DOK5: variants seen among roughly 807,000 people sequenced by gnomAD.
The protein encoded by DOK5 is downstream of tyrosine kinase 5.
In DOK5, 27 loss-of-function variants were observed where a neutral mutation model predicts 43.3. The ratio of observed to expected loss-of-function variants is 0.62; its 90% CI spans 0.46 to 0.86. DOK5 has a LOEUF of 0.86. Ranked by LOEUF, DOK5 falls within the 40% of genes least tolerant of loss-of-function variation. The pLI, the probability that DOK5 is intolerant of heterozygous loss-of-function variation, is 0.00. For missense variants in DOK5, 373 were observed against 392.9 expected, an observed-to-expected ratio of 0.95 and a Z score of 0.43; for synonymous variants, 146 against 140.1, an observed-to-expected ratio of 1.04 and a Z score of -0.30.
intron 1 of DOK5, among the ~76,000 whole-genome samples, chr20:54,545,910 A>G (rs918014970): frequency 1.3e-5 from 2 of 152,242 alleles, no homozygotes; most frequent in African/African-American, 2.4e-5. Context: ...GAAACAGCAT[A>G]TGGCTACAAC....
chr20:54,541,951 G>A (rs915020786), intron 1 of DOK5, among the ~76,000 whole-genome samples: 5 of 151,668 alleles, frequency 3.3e-5, no homozygotes, highest in African/African-American at 7.3e-5. Flanking sequence ...CTTTCAAGTC[G>A]TTGCTCAGAT....
chr20:54,477,412 T>G (rs1225140876), intron 1 of DOK5, among the ~76,000 whole-genome samples: 1 of 152,230 alleles, frequency 6.6e-6, no homozygotes, highest in African/African-American at 2.4e-5. Context: ...TTATTGTGAA[T>G]ATATACATAT....
chr20:54,519,718 A>G (rs1307609389), intron 1 of DOK5, among the ~76,000 whole-genome samples: 1 of 152,228 alleles, frequency 6.6e-6, no homozygotes, highest in Admixed American at 6.5e-5. Context: ...TTTAAATATG[A>G]TGCCATACAA....
intron 1 of DOK5, among the ~76,000 whole-genome samples, chr20:54,481,191 G>A (rs1164944809): frequency 7.1e-6 from 1 of 141,418 alleles, no homozygotes; most frequent in East Asian, 2.0e-4. Flanking sequence ...TATTTTTTTG[G>A]CGGAGTCTTG....
chr20:54,551,322 T>C (rs1984522466), intron 1 of DOK5, among the ~76,000 whole-genome samples: 1 of 152,220 alleles, frequency 6.6e-6, no homozygotes, highest in Non-Finnish European at 1.5e-5. Flanking sequence ...GATATGTGGT[T>C]TACACATCTT....
intron 6 of DOK5, among the ~76,000 whole-genome samples, chr20:54,642,773 G>T (rs1979186119): frequency 6.6e-6 from 1 of 152,052 alleles, no homozygotes. Flanking sequence ...TGAAAAGAAT[G>T]AAATGGCTAA....
chr20:54,479,679 G>A (rs1287791816), intron 1 of DOK5, among the ~76,000 whole-genome samples: 1 of 152,034 alleles, frequency 6.6e-6, no homozygotes, highest in African/African-American at 2.4e-5. Context: ...ACATTTCTGT[G>A]CTCTTGTCTA....
chr20:54,607,228 G>T (rs1986500422), intron 5 of DOK5, among the ~76,000 whole-genome samples: 1 of 152,206 alleles, frequency 6.6e-6, no homozygotes. Context: ...ATAGACTCCT[G>T]TCTAGGGCTG....
intron 1 of DOK5, among the ~76,000 whole-genome samples, chr20:54,524,812 G>T (rs776349187): frequency 8.5e-5 from 13 of 152,108 alleles, no homozygotes; most frequent in African/African-American, 2.9e-4. Context: ...GCATGCTCTT[G>T]AGCTTATAGC....
intron 2 of DOK5, among the ~76,000 whole-genome samples, chr20:54,560,990 G>A (rs574370807): frequency 6.6e-5 from 10 of 152,234 alleles, no homozygotes; most frequent in Admixed American, 3.3e-4. Context: ...GTTATTCAAG[G>A]CAGAAGCCAG....
chr20:54,558,915 G>A (rs185155191), intron 2 of DOK5, among the ~76,000 whole-genome samples: 147 of 152,220 alleles, frequency 9.7e-4, no homozygotes, highest in South Asian at 2.7e-3. Flanking sequence ...AATGTAGCTC[G>A]AAGTACACTC....
intron 6 of DOK5, among the ~76,000 whole-genome samples, chr20:54,622,342 A>T (rs1481674037): frequency 6.6e-6 from 1 of 152,224 alleles, no homozygotes; most frequent in Non-Finnish European, 1.5e-5. Context: ...TAAATTTGCG[A>T]TGGCTTTGTT....
At chr20:54,591,506 C>T (rs967319669) in intron 4 of DOK5, 110 bp from the exon 5 acceptor site, 21 of 838,138 alleles carry the variant, frequency 2.5e-5, no homozygotes, top group Middle Eastern at 3.7e-4. Context: ...AATATGCAAC[C>T]GAAATCTAGA....
At chr20:54,569,023 A>G (rs1985196465) in intron 2 of DOK5, among the ~76,000 whole-genome samples, 1 of 150,500 alleles carries the variant, frequency 6.6e-6, no homozygotes, top group African/African-American at 2.4e-5. Context: ...GTTGGACCCT[A>G]GTCCCTGCCG....
At chr20:54,608,688 G>A (rs1424305200) in intron 5 of DOK5, among the ~76,000 whole-genome samples, 1 of 149,068 alleles carries the variant, frequency 6.7e-6, no homozygotes, top group East Asian at 2.0e-4. Flanking sequence ...TTTTTGGTGG[G>A]GGGATGGCAC....
intron 4 of DOK5, among the ~76,000 whole-genome samples, chr20:54,590,758 G>A (rs1376496456): frequency 6.6e-6 from 1 of 152,094 alleles, no homozygotes; most frequent in Non-Finnish European, 1.5e-5. Context: ...AATTGTTAAT[G>A]CCACATTGTC....
chr20:54,612,812 A>G (rs949229498), intron 6 of DOK5, among the ~76,000 whole-genome samples: 1 of 152,206 alleles, frequency 6.6e-6, no homozygotes, highest in Non-Finnish European at 1.5e-5. Flanking sequence ...TACAGTGTTC[A>G]AGATCATGGC....
intron 2 of DOK5, among the ~76,000 whole-genome samples, chr20:54,567,081 A>G (rs1354514609): frequency 6.6e-6 from 1 of 151,640 alleles, no homozygotes; most frequent in Non-Finnish European, 1.5e-5. Flanking sequence ...GTATGTGTGT[A>G]TATATATGTG....
At chr20:54,599,254 G>A (rs1019380620) in intron 5 of DOK5, among the ~76,000 whole-genome samples, 34 of 152,184 alleles carry the variant, frequency 2.2e-4, no homozygotes, top group African/African-American at 8.2e-4. Flanking sequence ...AGTTTGCTCA[G>A]GAGAAGTAAA....
Sources: gnomAD v4.1 joint callset for allele counts (sites outside exome capture counted in the v4.1 genomes callset) on GRCh38, gnomAD v4.1.1 for gene constraint, MANE v1.5 for transcripts, NCBI Gene and HGNC (gene_info 2026-07-23, HGNC 2026-07-21) for gene names.